Variants in EP300 observed in about 807,000 individuals in gnomAD.
EP300 encodes the protein histone acetyltransferase p300.
A neutral mutation model predicts 264.0 loss-of-function variants in EP300; 31 were observed. The ratio of observed to expected loss-of-function variants is 0.12; its 90% CI spans 0.09 to 0.16. The LOEUF is 0.16. EP300 is among the 10% of genes least tolerant of loss of function. EP300 has a pLI of 1.00. For missense variants in EP300, 2,766 were observed against 3,052.9 expected, an observed-to-expected ratio of 0.91 and a Z score of 2.21; for synonymous variants, 1,340 against 1,045.4, an observed-to-expected ratio of 1.28 and a Z score of -5.44.
At chr22:41,166,781 A>T (rs919433898) in intron 23 of EP300, 115 bp downstream of exon 23, 2 of 658,848 alleles carry the variant, frequency 3.0e-6, no homozygotes, top group Non-Finnish European at 5.1e-6. Flanking sequence ...AAAATAAAAT[A>T]ATTCTATAAT....
Position 41,170,653 on chromosome 22 carries a change from CTTTTTTTT to C in EP300, c.4452+101_4452+108del, listed in dbSNP as rs35506286. The C allele has an allele frequency of 1.9e-3, 759 of 391,466 alleles. 2 individuals carry two copies. The East Asian group carries it at 0.026, about 13-fold the overall frequency. The allele number at this position is 391,466 out of a possible 1,614,324, so 24.2% of individuals were successfully genotyped here. A position where few individuals can be genotyped will look rare whatever the true frequency, so the allele number is the denominator to read the frequency against. On this transcript the variant is annotated intron_variant, in intron 27 of 30. Transcript: ENST00000263253. Reference sequence around the variant, plus strand: ...TGCTGCTCTTTGTTCTGTCATTTAACTTTTTTTTTTTTTTTTTTTTTTTTTTGAGACGG... The same window carrying C: ...TGCTGCTCTTTGTTCTGTCATTTAACTTTTTTTTTTTTTTTTTTGAGACGG...
chr22:41,094,899 A>G (rs1290731388), intron 1 of EP300, among the ~76,000 whole-genome samples: 1 of 152,144 alleles, frequency 6.6e-6, no homozygotes, highest in African/African-American at 2.4e-5. Flanking sequence ...GTGTGCTACT[A>G]CTTTCTCCAT....
In EP300 at chr22:41,151,816, C is replaced by T. The variant is rs1569108320; in HGVS notation, c.2818-17C>T. ...CTCTGCGTGTGTCTCACCTACTTCCCTTTTTTTTCTGCCCAGCTTTCCCAG... is the reference window on the plus strand; with the variant it reads ...CTCTGCGTGTGTCTCACCTACTTCCTTTTTTTTTCTGCCCAGCTTTCCCAG... On this transcript the variant is annotated splice_polypyrimidine_tract_variant and intron_variant, in intron 14 of 30. Coordinates refer to ENST00000263253, the MANE Select transcript of EP300 (RefSeq NM_001429.4). 1.9e-6 allele frequency: 3 copies of T among 1,612,458 alleles called. No homozygotes were observed. Among genetic ancestry groups the T allele is most frequent in the Non-Finnish European group, 2.5e-6 (3 of 1,178,880 alleles).
At chr22:41,111,305 A>G (rs1251492647) in intron 1 of EP300, among the ~76,000 whole-genome samples, 1 of 152,110 alleles carries the variant, frequency 6.6e-6, no homozygotes, top group Non-Finnish European at 1.5e-5. Context: ...ATTTGTAACC[A>G]TTTGTTGCTG....
chr22:41,179,008 C>G lies in EP300; in HGVS notation c.*52C>G, dbSNP rs542406106. On this transcript the variant is annotated 3_prime_UTR_variant, in exon 31 of 31. Transcript: ENST00000263253. Reference sequence around the variant, plus strand: ...AAAAAATTATTTTCTCTTAACAAGACTTTTTGTACTGAAAACAATTTTTTT... The same window carrying G: ...AAAAAATTATTTTCTCTTAACAAGAGTTTTTGTACTGAAAACAATTTTTTT... The G allele has an allele frequency of 1.2e-6, 2 of 1,601,380 alleles. No individual in the cohort carries two copies. Among genetic ancestry groups the G allele is most frequent in the Non-Finnish European group, 1.7e-6 (2 of 1,174,858 alleles).
rs1185068711 is a variant in EP300 at position 41,148,801 on chromosome 22, TAC to T, written c.2242-236_2242-235del. 30 of 566,486 alleles carry T rather than the reference TAC, an allele frequency of 5.3e-5. No individual in the cohort carries two copies. In the Admixed American group the frequency reaches 8.6e-4, roughly 16 times the overall value. 35.1% of individuals were successfully genotyped at this position (566,486 alleles called of 1,614,324 possible). A position where few individuals can be genotyped will look rare whatever the true frequency, so the allele number is the denominator to read the frequency against. On this transcript the variant is annotated intron_variant, in intron 12 of 30. Coordinates refer to ENST00000263253, the MANE Select transcript of EP300 (RefSeq NM_001429.4). Reference sequence around the variant, plus strand: ...CAAGAGAATGTGTGTTCCATCCTCTTACTATTTCTTGGAGTAGGCCTAGGTAA... The same window carrying T: ...CAAGAGAATGTGTGTTCCATCCTCTTTATTTCTTGGAGTAGGCCTAGGTAA...
chr22:41,160,884 A>C (rs2059104341), intron 20 of EP300, among the ~76,000 whole-genome samples, 162 bp downstream of exon 20: 2 of 152,258 alleles, frequency 1.3e-5, no homozygotes, highest in African/African-American at 4.8e-5. Flanking sequence ...ATTGTTTATC[A>C]CATGGAATAC....
Position 41,101,850 on chromosome 22 carries a change from T to C in EP300, c.94+8752T>C, listed in dbSNP as rs1160850255. On this transcript the variant is annotated intron_variant, in intron 1 of 30. Coordinates refer to ENST00000263253, the MANE Select transcript of EP300 (RefSeq NM_001429.4). ...TATGCCTGCCTCTAAGAAACTTTCTTATAAAGGAGGAAGAAGAAAAGTAGC... is the reference window on the plus strand; with the variant it reads ...TATGCCTGCCTCTAAGAAACTTTCTCATAAAGGAGGAAGAAGAAAAGTAGC... Among the ~76,000 whole-genome samples the C allele has an allele frequency of 2.0e-5, 3 of 152,066 alleles. No individual in the cohort carries two copies. In the East Asian group the frequency reaches 5.8e-4, roughly 29 times the overall value.
At chr22:41,147,590 T>G (rs888440153) in intron 11 of EP300, among the ~76,000 whole-genome samples, 2 of 151,786 alleles carry the variant, frequency 1.3e-5, no homozygotes, top group African/African-American at 4.8e-5. Context: ...TACAAAAAAT[T>G]AGCTGGGTGT....
At chr22:41,126,313 A>G (rs1043308432) in intron 3 of EP300, 5 of 407,400 alleles carry the variant, frequency 1.2e-5, no homozygotes, top group South Asian at 3.1e-5. Context: ...CCATTCAGCA[A>G]CTTGGTCTTG....
At chr22:41,096,178 T>C (rs1188769583) in intron 1 of EP300, among the ~76,000 whole-genome samples, 2 of 152,194 alleles carry the variant, frequency 1.3e-5, no homozygotes, top group Non-Finnish European at 2.9e-5. Context: ...AAAAAGATTA[T>C]GAAAGCCACT....
At chr22:41,115,014 G>T (rs1218055719) in intron 1 of EP300, among the ~76,000 whole-genome samples, 1 of 152,132 alleles carries the variant, frequency 6.6e-6, no homozygotes, top group Non-Finnish European at 1.5e-5. Flanking sequence ...GCCCAGACTT[G>T]ATGTGAATTC....
intron 2 of EP300, among the ~76,000 whole-genome samples, chr22:41,119,172 AT>A (rs796885809): frequency 9.3e-6 from 1 of 107,274 alleles, no homozygotes; most frequent in Non-Finnish European, 1.8e-5. Flanking sequence ...CTGGCTTATT[AT>A]TATTTTTTTT....
intron 1 of EP300, among the ~76,000 whole-genome samples, chr22:41,095,072 G>A (rs1601583998): frequency 1.3e-5 from 2 of 151,854 alleles, no homozygotes; most frequent in East Asian, 3.9e-4. Flanking sequence ...TTTGTAATGA[G>A]GGTTAACTTT....
chr22:41,134,195 T>C (rs2058936960), intron 6 of EP300, among the ~76,000 whole-genome samples: 1 of 150,972 alleles, frequency 6.6e-6, no homozygotes, highest in South Asian at 2.1e-4. Context: ...ATTTCATTCT[T>C]GAAAGTAGTA....
At chr22:41,108,624 C>T (rs2058771569) in intron 1 of EP300, among the ~76,000 whole-genome samples, 2 of 151,970 alleles carry the variant, frequency 1.3e-5, no homozygotes, top group South Asian at 4.1e-4. Flanking sequence ...TCAGTGTACA[C>T]TCAGATGAAG....
chr22:41,167,605 T>C (rs2059144770), intron 23 of EP300, among the ~76,000 whole-genome samples: 2 of 30,034 alleles, frequency 6.7e-5, no homozygotes, highest in East Asian at 0.012. Context: ...TATATATATA[T>C]ATATATATAT....
chr22:41,137,861 A>T, intron 8 of EP300, 71 bp downstream of exon 8: 1 of 1,604,210 alleles, frequency 6.2e-7, no homozygotes, highest in Middle Eastern at 1.7e-4. Context: ...TCTCCTGGGC[A>T]TTTAATTACT....
intron 28 of EP300, 81 bp downstream of exon 28, chr22:41,172,744 G>GT: frequency 6.9e-7 from 1 of 1,457,734 alleles, no homozygotes. Context: ...TTTCAATTGG[G>GT]TTTTAAAGCT....
Sources: gnomAD v4.1 joint callset for allele counts (sites outside exome capture counted in the v4.1 genomes callset) on GRCh38, gnomAD v4.1.1 for gene constraint, MANE v1.5 for transcripts, NCBI Gene and HGNC (gene_info 2026-07-23, HGNC 2026-07-21) for gene names.